PALLD: variants seen among roughly 807,000 people sequenced by gnomAD.
The protein encoded by PALLD is palladin, cytoskeletal associated protein.
In PALLD, 61 loss-of-function variants were observed where a neutral mutation model predicts 123.5. The observed-to-expected ratio is 0.49, with a 90% CI of 0.40 to 0.61. The LOEUF (loss-of-function observed/expected upper bound fraction) is 0.61, where lower values mean the gene tolerates loss of function less well. Ranked by LOEUF, PALLD falls within the 20% of genes least tolerant of loss-of-function variation. The pLI is 0.00. For missense variants in PALLD, 1,273 were observed against 1,377.0 expected, an observed-to-expected ratio of 0.92 and a Z score of 1.20; for synonymous variants, 465 against 496.4, an observed-to-expected ratio of 0.94 and a Z score of 0.84.
At chr4:168,883,948 CAA>C (rs35084179) in intron 10 of PALLD, among the ~76,000 whole-genome samples, 1 of 142,464 alleles carries the variant, frequency 7.0e-6, no homozygotes, top group Admixed American at 7.0e-5. Context: ...TGCAAACCAT[CAA>C]AAAAAAAAAG....
chr4:168,555,150 G>T (rs369592726), intron 2 of PALLD, among the ~76,000 whole-genome samples: 1 of 152,098 alleles, frequency 6.6e-6, no homozygotes, highest in Non-Finnish European at 1.5e-5. Context: ...TATTATTAAA[G>T]ATTTATACGA....
At chr4:168,886,126 A>C (rs1294483204) in intron 10 of PALLD, among the ~76,000 whole-genome samples, 2 of 152,238 alleles carry the variant, frequency 1.3e-5, no homozygotes, top group Non-Finnish European at 2.9e-5. Context: ...TAGTGTTGAG[A>C]CTATCATGAT....
intron 1 of PALLD, among the ~76,000 whole-genome samples, chr4:168,500,190 T>C (rs554937511): frequency 2.4e-4 from 37 of 152,340 alleles, no homozygotes; most frequent in African/African-American, 8.7e-4. Context: ...CAAGCTGTTA[T>C]GTAGGAACAA....
intron 2 of PALLD, among the ~76,000 whole-genome samples, chr4:168,606,291 C>T (rs1239462959): frequency 6.6e-6 from 1 of 152,134 alleles, no homozygotes; most frequent in Non-Finnish European, 1.5e-5. Flanking sequence ...GTGGCTGCTG[C>T]TTTCAGACCC....
intron 10 of PALLD, among the ~76,000 whole-genome samples, chr4:168,785,844 G>GAT (rs1230880749): frequency 0.061 from 3,258 of 53,012 alleles, 136 homozygotes; most frequent in East Asian, 0.14. Flanking sequence ...ATAAACTGTA[G>GAT]AGATATATAT....
intron 10 of PALLD, among the ~76,000 whole-genome samples, chr4:168,851,730 G>A (rs976403024): frequency 3.2e-4 from 49 of 152,232 alleles, no homozygotes; most frequent in African/African-American, 1.0e-3. Flanking sequence ...TTAAAGAACC[G>A]TTAATATTAG....
chr4:168,821,313 C>A (rs533049925), intron 10 of PALLD, among the ~76,000 whole-genome samples: 6 of 152,252 alleles, frequency 3.9e-5, no homozygotes, highest in Admixed American at 6.5e-5. Context: ...AAATGGAAAT[C>A]CTAAGTCCTC....
intron 10 of PALLD, among the ~76,000 whole-genome samples, chr4:168,807,610 T>G (rs1298592148): frequency 1.3e-5 from 2 of 151,968 alleles, no homozygotes; most frequent in East Asian, 3.9e-4. Context: ...GGTTTCTCCA[T>G]GTTGGTCAGG....
At chr4:168,891,205 C>A in intron 11 of PALLD, 148 bp downstream of exon 11, 2 of 875,598 alleles carry the variant, frequency 2.3e-6, no homozygotes, top group Admixed American at 2.0e-5. Flanking sequence ...CTTTGTCACC[C>A]ATGCTGGAGT....
chr4:168,757,461 G>A (rs1242268276), intron 10 of PALLD, among the ~76,000 whole-genome samples: 4 of 152,212 alleles, frequency 2.6e-5, no homozygotes, highest in Non-Finnish European at 5.9e-5. Flanking sequence ...AATGATTTGA[G>A]ATGACAATGG....
At chr4:168,591,979 G>C (rs1488710543) in intron 2 of PALLD, among the ~76,000 whole-genome samples, 1 of 151,334 alleles carries the variant, frequency 6.6e-6, no homozygotes, top group Non-Finnish European at 1.5e-5. Context: ...AATAAACCAG[G>C]GAAATGCTAC....
intron 2 of PALLD, among the ~76,000 whole-genome samples, chr4:168,520,294 C>G (rs1330005287): frequency 1.4e-5 from 2 of 145,242 alleles, no homozygotes; most frequent in Non-Finnish European, 3.0e-5. Context: ...CCACTGCACT[C>G]CAGGCTGGGT....
chr4:168,853,703 C>T (rs116532853), intron 10 of PALLD, among the ~76,000 whole-genome samples: 1,685 of 152,142 alleles, frequency 0.011, 41 homozygotes, highest in African/African-American at 0.038. Context: ...CTACAGGGGG[C>T]GACCAGGCCT....
At chr4:168,568,738 A>G (rs1768666161) in intron 2 of PALLD, among the ~76,000 whole-genome samples, 1 of 151,298 alleles carries the variant, frequency 6.6e-6, no homozygotes, top group Non-Finnish European at 1.5e-5. Context: ...ATATGTGTGT[A>G]TGTAGGTATA....
chr4:168,656,789 G>T (rs142590603), intron 2 of PALLD, among the ~76,000 whole-genome samples: 1 of 152,128 alleles, frequency 6.6e-6, no homozygotes, highest in African/African-American at 2.4e-5. Flanking sequence ...TGGAATTAAC[G>T]GTCAAGGATA....
chr4:168,662,203 A>C (rs2149983193), intron 2 of PALLD, among the ~76,000 whole-genome samples: 1 of 152,326 alleles, frequency 6.6e-6, no homozygotes, highest in East Asian at 1.9e-4. Flanking sequence ...CCAGGTATTC[A>C]AAATGGAATG....
rs145707267 is a variant in PALLD, at chr4:168,600,099, A to G, written c.909-68091A>G. Among the ~76,000 whole-genome samples the G allele has an allele frequency of 1.8e-3, 172 of 98,222 alleles. 1 individual carries two copies. Among genetic ancestry groups the G allele is most frequent in the African/African-American group, 3.3e-3 (98 of 29,270 alleles). The allele number at this position is 98,222 out of a possible 152,430, so 64.4% of individuals were successfully genotyped here. A position where few individuals can be genotyped will look rare whatever the true frequency, so the allele number is the denominator to read the frequency against. ...CACACACATATATACATGCATGTGT[A>G]TGCACACATATATATACATACATGT... is the stretch of plus-strand genomic sequence containing the variant. On this transcript the variant is annotated intron_variant, in intron 2 of 21. Transcript: ENST00000505667.
intron 3 of PALLD, among the ~76,000 whole-genome samples, chr4:168,680,471 G>T (rs1256322839): frequency 1.0e-5 from 1 of 96,720 alleles, no homozygotes; most frequent in Non-Finnish European, 1.8e-5. Context: ...GACAGAGCAA[G>T]ATTCCGTCTC....
intron 1 of PALLD, among the ~76,000 whole-genome samples, chr4:168,499,549 A>AAAAT (rs10642598): frequency 0.73 from 110,202 of 151,500 alleles, 40,276 homozygotes; most frequent in Admixed American, 0.8. Flanking sequence ...CTTAAATATG[A>AAAAT]AAATAAAACT....
Sources: gnomAD v4.1 joint callset for allele counts (sites outside exome capture counted in the v4.1 genomes callset) on GRCh38, gnomAD v4.1.1 for gene constraint, MANE v1.5 for transcripts, NCBI Gene and HGNC (gene_info 2026-07-23, HGNC 2026-07-21) for gene names.